Variants in ACKR2 observed in about 807,000 individuals in gnomAD.
ACKR2 encodes the protein C-C chemokine receptor D6.
For synonymous variants in ACKR2, 207 were observed against 192.2 expected (o/e 1.08, Z -0.64); for missense variants, 457 against 477.3 (o/e 0.96, Z 0.40).
rs145558145 is a variant in ACKR2, at chr3:42,864,217, G to A, written c.-37-249G>A. Among the ~76,000 whole-genome samples, 114 of 152,258 alleles carry A rather than the reference G, an allele frequency of 7.5e-4. No individual in the cohort carries two copies. In the East Asian group the frequency reaches 0.02, roughly 27 times the overall value. On this transcript the variant is annotated intron_variant, in intron 2 of 2. Transcript: ENST00000422265. ...TTAAATACTCTGAGAACACCTGAAG[G>A]TTAGTCACTTATCCAAGAGTAAGTG...
chr3:42,821,933 T>C (rs1252480420), intron 2 of ACKR2, among the ~76,000 whole-genome samples: 1 of 152,034 alleles, frequency 6.6e-6, no homozygotes, highest in African/African-American at 2.4e-5. Flanking sequence ...CCTGACCTCG[T>C]GATCCGCCCG....
At chr3:42,856,827 C>G (rs1033714887) in intron 2 of ACKR2, among the ~76,000 whole-genome samples, 3 of 151,436 alleles carry the variant, frequency 2.0e-5, no homozygotes, top group Non-Finnish European at 4.4e-5. Flanking sequence ...CTCTCCTCCT[C>G]AAGCCCCCTT....
intron 2 of ACKR2, among the ~76,000 whole-genome samples, chr3:42,859,741 T>C (rs1487580977): frequency 6.6e-6 from 1 of 151,958 alleles, no homozygotes; most frequent in Non-Finnish European, 1.5e-5. Context: ...CAAACTAAGC[T>C]TCATGAGTGA....
rs186672137 is a variant in ACKR2 at position 42,833,525 on chromosome 3, C to T, written c.-38+13814C>T. On this transcript the variant is annotated intron_variant, in intron 2 of 2. Transcript: ENST00000422265. ...ATTATTAATGAGATATTTTACATTC[C>T]GTTATTTGTACTGTCTTTGAAATCT... 5.3e-5 allele frequency among the ~76,000 whole-genome samples: 8 copies of T among 152,114 alleles called. No individual in the cohort carries two copies. The East Asian group carries it at 7.7e-4, about 15-fold the overall frequency.
intron 1 of ACKR2, among the ~76,000 whole-genome samples, chr3:42,815,318 C>G (rs1700738380): frequency 6.6e-6 from 1 of 152,200 alleles, no homozygotes; most frequent in Non-Finnish European, 1.5e-5. Context: ...TAGTTACATG[C>G]AGTAGTGTTA....
rs562380054 is a variant in ACKR2, at chr3:42,852,195, C to T, written c.-37-12271C>T. Among the ~76,000 whole-genome samples the T allele has an allele frequency of 5.9e-5, 9 of 152,268 alleles. No individual in the cohort carries two copies. The highest frequency in any genetic ancestry group is 2.2e-4 in the African/African-American group (9 of 41,538). On this transcript the variant is annotated intron_variant, in intron 2 of 2. Coordinates refer to ENST00000422265, the MANE Select transcript of ACKR2 (RefSeq NM_001296.5). This position sits in a 1 kb window ranked among gnomAD's most constrained non-coding sequence, Gnocchi z 4.3. Reference sequence around the variant, plus strand: ...TTAAGCTATATTCTGTCTGTTCTACCCTGCCTATTCTGTCTATTCTACCAT... The same window carrying T: ...TTAAGCTATATTCTGTCTGTTCTACTCTGCCTATTCTGTCTATTCTACCAT...
chr3:42,851,357 AC>A, intron 2 of ACKR2: 1 of 985,410 alleles, frequency 1.0e-6, no homozygotes, highest in Middle Eastern at 5.2e-4. Flanking sequence ...GAAAGGAATT[AC>A]ACTCTGTCTG....
At chr3:42,822,090 C>T (rs2125604902) in intron 2 of ACKR2, among the ~76,000 whole-genome samples, 1 of 152,014 alleles carries the variant, frequency 6.6e-6, no homozygotes, top group East Asian at 1.9e-4. Flanking sequence ...TTTACAAACA[C>T]ATACAACTTA....
intron 2 of ACKR2, among the ~76,000 whole-genome samples, chr3:42,844,837 G>A (rs1302239368): frequency 2.6e-5 from 4 of 152,198 alleles, no homozygotes; most frequent in African/African-American, 7.2e-5. Flanking sequence ...ATCAGTTCCA[G>A]GAAACTGGTT....
chr3:42,814,081 G>A (rs1700723429), intron 1 of ACKR2, among the ~76,000 whole-genome samples: 1 of 152,160 alleles, frequency 6.6e-6, no homozygotes, highest in Non-Finnish European at 1.5e-5. Flanking sequence ...TAAAATCTTG[G>A]TGAATGATGG....
intron 2 of ACKR2, among the ~76,000 whole-genome samples, chr3:42,861,291 C>T (rs944619752): frequency 6.6e-6 from 1 of 152,166 alleles, no homozygotes; most frequent in Non-Finnish European, 1.5e-5. Flanking sequence ...TGGACACATA[C>T]GCCCTCCCAA....
At chr3:42,860,602 A>G (rs2088375734) in intron 2 of ACKR2, among the ~76,000 whole-genome samples, 1 of 152,236 alleles carries the variant, frequency 6.6e-6, no homozygotes. Context: ...AACTGACCAC[A>G]TAATTGGAAG....
In ACKR2 at chr3:42,840,719, G is replaced by A. The variant is rs908479074; in HGVS notation, c.-38+21008G>A. ...TTGTTTTTTGTTGAGACGGAGTCTC[G>A]CTCTGTCGCCCAGGCTGGAGTGCAA... On this transcript the variant is annotated intron_variant, in intron 2 of 2. Coordinates refer to ENST00000422265, the MANE Select transcript of ACKR2 (RefSeq NM_001296.5). Among the ~76,000 whole-genome samples the A allele has an allele frequency of 9.9e-5, 15 of 152,108 alleles. No individual in the cohort carries two copies. In the East Asian group the frequency reaches 2.3e-3, roughly 24 times the overall value.
intron 1 of ACKR2, among the ~76,000 whole-genome samples, chr3:42,818,544 A>G (rs1261205875): frequency 6.6e-6 from 1 of 152,224 alleles, no homozygotes; most frequent in East Asian, 1.9e-4. Context: ...GCACTTAAAC[A>G]GATCAAATAA....
chr3:42,865,212 T>C lies in ACKR2; in HGVS notation c.710T>C (p.Leu237Ser). The part of the protein sequence containing the change: ...IFFYSRIGCV[L>S]VRLRPAGQGR... ...TTCTACTCCCGTATTGGTTGTGTCTTGGTGAGGCTGAGGCCCGCAGGCCAG... is the reference window on the plus strand; with the variant it reads ...TTCTACTCCCGTATTGGTTGTGTCTCGGTGAGGCTGAGGCCCGCAGGCCAG... The change falls in exon 3 of 3, where the codon TTG (leucine) becomes TCG (serine). Residue 237 changes from leucine to serine, a missense_variant. Transcript: ENST00000422265. 1 of 1,614,192 alleles carries C rather than the reference T, an allele frequency of 6.2e-7. No homozygotes were observed. The highest frequency in any genetic ancestry group is 1.6e-4 in the Middle Eastern group (1 of 6,062).
chr3:42,843,033 G>A (rs1476263834), intron 2 of ACKR2, among the ~76,000 whole-genome samples: 1 of 130,978 alleles, frequency 7.6e-6, no homozygotes, highest in Non-Finnish European at 1.6e-5. Context: ...GTCATGTCTA[G>A]CTATTTATTT....
At chr3:42,812,680 CTTTTT>C (rs71616070) in intron 1 of ACKR2, among the ~76,000 whole-genome samples, 5 of 72,758 alleles carry the variant, frequency 6.9e-5, no homozygotes, top group Non-Finnish European at 1.2e-4. Flanking sequence ...AATTTTCAGC[CTTTTT>C]TTTTTTTTTT....
At chr3:42,843,034 CTATTTATTTATTTATTTATT>C (rs35357659) in intron 2 of ACKR2, among the ~76,000 whole-genome samples, 3 of 139,350 alleles carry the variant, frequency 2.2e-5, no homozygotes, top group African/African-American at 8.1e-5. Flanking sequence ...TCATGTCTAG[CTATTTATTTATTTATTTATT>C]TATTTATTTA....
chr3:42,866,361 G>A lies in ACKR2; in HGVS notation c.*704G>A, dbSNP rs547552785. 1 of 152,520 alleles carries A rather than the reference G, an allele frequency of 6.6e-6. No homozygotes were observed. The highest frequency in any genetic ancestry group is 2.4e-5 in the African/African-American group (1 of 41,490). The allele number at this position is 152,520 out of a possible 1,614,324, so 9.4% of individuals were successfully genotyped here. A position where few individuals can be genotyped will look rare whatever the true frequency, so the allele number is the denominator to read the frequency against. ...ACAGCTAATTTTTATAATTTTAGTA[G>A]AGATGGGGTTTCACTGCGTTGGCCA... On this transcript the variant is annotated 3_prime_UTR_variant, in exon 3 of 3. Coordinates refer to ENST00000422265, the MANE Select transcript of ACKR2 (RefSeq NM_001296.5).
Sources: gnomAD v4.1 joint callset for allele counts (sites outside exome capture counted in the v4.1 genomes callset) on GRCh38, gnomAD v4.1.1 for gene constraint, Gnocchi (gnomAD v3.1) non-coding constraint, MANE v1.5 for transcripts, NCBI Gene and HGNC (gene_info 2026-07-23, HGNC 2026-07-21) for gene names.